The following VSIG10 variants were observed in gnomAD, a reference collection of about 807,000 sequenced individuals.
The protein encoded by VSIG10 is V-set and immunoglobulin domain containing 10.
In VSIG10, 48 loss-of-function variants were observed where a neutral mutation model predicts 58.7. The ratio of observed to expected loss-of-function variants is 0.82; its 90% CI spans 0.65 to 1.04. The LOEUF (loss-of-function observed/expected upper bound fraction) is 1.04, where lower values mean the gene tolerates loss of function less well. Among genes scored for constraint, VSIG10 ranks in the 50% least tolerant of loss-of-function variants. The pLI is 0.00. For synonymous variants in VSIG10, 260 were observed against 267.1 expected, an observed-to-expected ratio of 0.97 and a Z score of 0.26; for missense variants, 628 against 670.0, an observed-to-expected ratio of 0.94 and a Z score of 0.69.
chr12:118,100,353 C>T (rs910863009), intron 1 of VSIG10, among the ~76,000 whole-genome samples: 9 of 152,000 alleles, frequency 5.9e-5, no homozygotes, highest in African/African-American at 1.2e-4. Context: ...AAAAGTTAGC[C>T]GGGCGTGGTG....
chr12:118,080,517 GT>G (rs1302348027), intron 3 of VSIG10, among the ~76,000 whole-genome samples: 2 of 152,030 alleles, frequency 1.3e-5, no homozygotes, highest in Non-Finnish European at 2.9e-5. Flanking sequence ...GGAGTGTTTG[GT>G]TGGTGTTTCC....
intron 1 of VSIG10, among the ~76,000 whole-genome samples, chr12:118,098,529 C>A (rs796949653): frequency 8.5e-5 from 13 of 152,320 alleles, no homozygotes; most frequent in African/African-American, 3.1e-4. Context: ...ACACAACACA[C>A]AGAAACCTCC....
intron 2 of VSIG10, among the ~76,000 whole-genome samples, chr12:118,085,420 C>A (rs1445193541): frequency 6.6e-6 from 1 of 152,234 alleles, no homozygotes; most frequent in African/African-American, 2.4e-5. Context: ...TCCCCAAACA[C>A]TTGTTTGGCC....
Position 118,095,669 on chromosome 12 carries a change from T to C in VSIG10, c.225A>G (p.Pro75=). 6.2e-7 allele frequency: 1 copy of C among 1,613,956 alleles called. No individual in the cohort carries two copies. The change falls in exon 2 of 9, where the codon CCA becomes CCG. Residue 75 remains proline (P), a synonymous_variant. Transcript: ENST00000359236. ...CCACTAGAGAGAAGCGAGGCTCAGC[T>C]GGCCGGAGGCTAGAGTTGGACGAGA... ...FLLSSNSSLR[P]AEPRFSLVDA... is the part of the protein sequence containing the mutation.
At chr12:118,066,830 G>A in intron 8 of VSIG10, 136 bp from the exon 9 acceptor site, 1 of 937,090 alleles carries the variant, frequency 1.1e-6, no homozygotes, top group Admixed American at 2.5e-5. Context: ...AGAAGGTAGG[G>A]CAGCGTGTGT....
chr12:118,077,851 C>A (rs758807169), intron 4 of VSIG10, among the ~76,000 whole-genome samples: 2 of 152,184 alleles, frequency 1.3e-5, no homozygotes, highest in Non-Finnish European at 2.9e-5. Flanking sequence ...AGCCCCGCAA[C>A]CTTCAATTCT....
intron 2 of VSIG10, among the ~76,000 whole-genome samples, chr12:118,094,928 G>A (rs1371897986): frequency 1.2e-4 from 18 of 146,044 alleles, no homozygotes; most frequent in East Asian, 4.0e-4. Context: ...TTTTTGAGAC[G>A]GAGTCTCACT....
At chr12:118,086,168 AAAGCAC>A (rs1047286927) in intron 2 of VSIG10, among the ~76,000 whole-genome samples, 1 of 151,306 alleles carries the variant, frequency 6.6e-6, no homozygotes, top group Non-Finnish European at 1.5e-5. Context: ...CAAAAAAAAA[AAAGCAC>A]AAAGTCAGCT....
chr12:118,068,654 C>T (rs1253687270), intron 7 of VSIG10, 57 bp from the exon 8 acceptor site: 3 of 1,477,692 alleles, frequency 2.0e-6, no homozygotes, highest in Admixed American at 4.8e-5. Context: ...CCAACTTCAG[C>T]CCTCACTGAA....
chr12:118,093,700 G>A (rs2033364666), intron 2 of VSIG10, among the ~76,000 whole-genome samples: 1 of 151,972 alleles, frequency 6.6e-6, no homozygotes, highest in Non-Finnish European at 1.5e-5. Context: ...CACGAGGTCA[G>A]GAGTTCAAGA....
intron 2 of VSIG10, among the ~76,000 whole-genome samples, chr12:118,084,284 T>C (rs1478553915): frequency 6.6e-6 from 1 of 152,202 alleles, no homozygotes; most frequent in African/African-American, 2.4e-5. Context: ...AAAAGGTTCA[T>C]TTACATCTCA....
At position 118,068,466 on chromosome 12, in the gene VSIG10, T is replaced by C; in HGVS notation, c.1478A>G (p.Glu493Gly). 1 of 1,613,916 alleles carries C rather than the reference T, an allele frequency of 6.2e-7. No homozygotes were observed. Among genetic ancestry groups the C allele is most frequent in the Non-Finnish European group, 8.5e-7 (1 of 1,179,900 alleles). Reference protein sequence around the residue: ...GAREREELPKEIPKQDHIHRV... With the variant: ...GAREREELPKGIPKQDHIHRV... ...GTGAATGTGGTCCTGCTTAGGTATT[T>C]CTTTTGGCAACTCCTCTCTCTCACG... The change falls in exon 8 of 9, where the codon GAA (glutamate) becomes GGA (glycine). Residue 493 changes from glutamate (E) to glycine (G), a missense_variant. Transcript: ENST00000359236.
Position 118,063,617 on chromosome 12 carries a change from T to C in VSIG10, c.*3022A>G, listed in dbSNP as rs1297997229. The stretch of plus-strand genomic sequence containing the variant: ...CTTACTTAAAAATAGCTTTATTCCA[T>C]TATCTTTTAAAAAAGGCATATGATA... On this transcript the variant is annotated 3_prime_UTR_variant, in exon 9 of 9. Coordinates refer to ENST00000359236, the MANE Select transcript of VSIG10 (RefSeq NM_019086.6). The C allele has an allele frequency of 6.6e-6, 1 of 152,158 alleles. No homozygotes were observed. The highest frequency in any genetic ancestry group is 1.5e-5 in the Non-Finnish European group (1 of 68,038). The allele number at this position is 152,158 out of a possible 1,614,324, so 9.4% of individuals were successfully genotyped here. A position where few individuals can be genotyped will look rare whatever the true frequency, so the allele number is the denominator to read the frequency against.
chr12:118,095,791 C>G lies in VSIG10; in HGVS notation c.103G>C (p.Glu35Gln). 6.2e-7 allele frequency: 1 copy of G among 1,611,062 alleles called. No individual in the cohort carries two copies. Among genetic ancestry groups the G allele is most frequent in the Non-Finnish European group, 8.5e-7 (1 of 1,178,706 alleles). Residue 35 changes from glutamate to glutamine, a missense_variant, in exon 2 of 9, where the codon GAA (glutamate) becomes CAA (glutamine). Physicochemically the swap from Glu to Gln is conservative, Grantham distance 29 (BLOSUM62 2). Coordinates refer to ENST00000359236, the MANE Select transcript of VSIG10 (RefSeq NM_019086.6). The stretch of plus-strand genomic sequence containing the variant: ...TGCAGAGTAACATTCTCATGAACTT[C>G]TCCAATGACAACAGCCTCCAATCCT... ...AVGLEAVVIGEVHENVTLHCG... is the reference protein window; with the variant it reads ...AVGLEAVVIGQVHENVTLHCG...
chr12:118,079,469 C>T lies in VSIG10; in HGVS notation c.802G>A (p.Gly268Arg). ...ATTTCCACCCCCAGCTTTGACTTCC[C>T]CACGATTACACCTCCTGGCTCTTCT... ...WIEEPGGVIV[G>R]KSKLGVEMLS... Residue 268 changes from glycine to arginine, a missense_variant, in exon 4 of 9, where the codon GGG becomes AGG. Physicochemically the swap from Gly to Arg is moderately radical, Grantham distance 125. Transcript: ENST00000359236. 1 of 1,614,030 alleles carries T rather than the reference C, an allele frequency of 6.2e-7. No homozygotes were observed.
intron 3 of VSIG10, among the ~76,000 whole-genome samples, chr12:118,080,844 G>A (rs897291455): frequency 6.6e-6 from 1 of 152,166 alleles, no homozygotes; most frequent in African/African-American, 2.4e-5. Context: ...GACAGAATGC[G>A]GATTGGGGGT....
In VSIG10 at chr12:118,066,530, T is replaced by G. The variant is rs913373421; in HGVS notation, c.*109A>C. Reference sequence around the variant, plus strand: ...TTTGCTGAGACCCAAACATTGTTAGTGCAAGCCCCCGCCAGGGGTGCAGGT... The same window carrying G: ...TTTGCTGAGACCCAAACATTGTTAGGGCAAGCCCCCGCCAGGGGTGCAGGT... On this transcript the variant is annotated 3_prime_UTR_variant, in exon 9 of 9. Transcript: ENST00000359236. The G allele has an allele frequency of 1.1e-5, 14 of 1,228,048 alleles. No homozygotes were observed. The African/African-American group carries it at 1.9e-4, about 17-fold the overall frequency. 76.1% of individuals were successfully genotyped at this position (1,228,048 alleles called of 1,614,324 possible).
At chr12:118,092,859 C>T (rs117354266) in intron 2 of VSIG10, among the ~76,000 whole-genome samples, 5,227 of 152,098 alleles carry the variant, frequency 0.034, 128 homozygotes, top group East Asian at 0.063. Flanking sequence ...TGGTCTCAAA[C>T]TCCTGGGCTC....
chr12:118,096,672 C>T (rs1025969374), intron 1 of VSIG10, among the ~76,000 whole-genome samples: 22 of 151,194 alleles, frequency 1.5e-4, no homozygotes, highest in African/African-American at 3.6e-4. Flanking sequence ...CCGCCGGCCT[C>T]GGCCTCCCAA....
Sources: allele counts gnomAD v4.1 joint callset (sites outside exome capture counted in the v4.1 genomes callset), GRCh38; gene constraint gnomAD v4.1.1; transcripts MANE v1.5; gene names NCBI Gene and HGNC (gene_info 2026-07-23, HGNC 2026-07-21).